ATP2A2: variants seen among roughly 807,000 people sequenced by gnomAD.
ATP2A2 encodes ATPase sarcoplasmic/endoplasmic reticulum Ca2+ transporting 2, also known as sarcoplasmic/endoplasmic reticulum calcium ATPase 2.
Under a neutral mutation model 109.3 loss-of-function variants are expected in ATP2A2, and 14 were observed. The ratio of observed to expected loss-of-function variants is 0.13; its 90% CI spans 0.08 to 0.20. The LOEUF is 0.20. Ranked by LOEUF, ATP2A2 falls within the 10% of genes least tolerant of loss-of-function variation. The pLI, the probability that ATP2A2 is intolerant of heterozygous loss-of-function variation, is 1.00. For synonymous variants in ATP2A2, 506 were observed against 490.9 expected, an observed-to-expected ratio of 1.03 and a Z score of -0.41; for missense variants, 657 against 1,321.6, an observed-to-expected ratio of 0.50 and a Z score of 7.80.
At chr12:110,299,885 T>C (rs965405779) in intron 5 of ATP2A2, among the ~76,000 whole-genome samples, 6 of 152,154 alleles carry the variant, frequency 3.9e-5, no homozygotes, top group Admixed American at 2.6e-4. Context: ...GCCTCCCAAG[T>C]AGCTGGGATT....
At chr12:110,312,994 A>C (rs1475698420) in intron 5 of ATP2A2, among the ~76,000 whole-genome samples, 3 of 152,212 alleles carry the variant, frequency 2.0e-5, no homozygotes, top group Non-Finnish European at 1.5e-5. Context: ...AAAATAGTCT[A>C]AAACAAAAAT....
rs1177414407 is a variant in ATP2A2 at position 110,342,846 on chromosome 12, C to T, written c.2319-386C>T. Among the ~76,000 whole-genome samples the T allele has an allele frequency of 1.3e-5, 2 of 152,194 alleles. No homozygotes were observed. The highest frequency in any genetic ancestry group is 4.8e-5 in the African/African-American group (2 of 41,442). The stretch of plus-strand genomic sequence containing the variant: ...TCTCAGCTCACTGTCCCCTCCACCT[C>T]CTGGGTTCAAGCCTCCCGAACAGCT... On this transcript the variant is annotated intron_variant, in intron 15 of 19. Transcript: ENST00000539276. The surrounding 1 kb of genome is among the most constrained non-coding windows in gnomAD (Gnocchi z 4.6).
At chr12:110,338,116 G>A (rs1879013206) in intron 11 of ATP2A2, among the ~76,000 whole-genome samples, 1 of 152,142 alleles carries the variant, frequency 6.6e-6, no homozygotes, top group African/African-American at 2.4e-5. Flanking sequence ...TTGTAGCTGG[G>A]TCTTTCACAA....
rs1879461705 is a variant in ATP2A2, at chr12:110,342,595, T to A, written c.2318+147T>A. Reference sequence around the variant, plus strand: ...GGGGAGTGGGCAAGACAGAAATGCCTTATGGAAGCAGTGGTGCTTTGGCCC... The same window carrying A: ...GGGGAGTGGGCAAGACAGAAATGCCATATGGAAGCAGTGGTGCTTTGGCCC... On this transcript the variant is annotated intron_variant, in intron 15 of 19. Transcript: ENST00000539276. This position sits in a 1 kb window ranked among gnomAD's most constrained non-coding sequence, Gnocchi z 4.6. 3.1e-6 allele frequency: 3 copies of A among 976,412 alleles called. No homozygotes were observed. The highest frequency in any genetic ancestry group is 5.2e-5 in the East Asian group (2 of 38,216). 60.5% of individuals were successfully genotyped at this position (976,412 alleles called of 1,614,324 possible). A position where few individuals can be genotyped will look rare whatever the true frequency, so the allele number is the denominator to read the frequency against.
At chr12:110,292,147 C>T (rs1566202447) in intron 4 of ATP2A2, 23 bp downstream of exon 4, 1 of 1,533,554 alleles carries the variant, frequency 6.5e-7, no homozygotes, top group Admixed American at 1.7e-5. Flanking sequence ...TCCTGTACTG[C>T]AAAATTTCAA....
Position 110,305,871 on chromosome 12 carries a change from GTTTT to G in ATP2A2, c.463+9141_463+9144del, listed in dbSNP as rs796817073. Among the ~76,000 whole-genome samples, 7 of 139,186 alleles carry G rather than the reference GTTTT, an allele frequency of 5.0e-5. No individual in the cohort carries two copies. The South Asian group carries it at 1.6e-3, about 32-fold the overall frequency. The allele number at this position is 139,186 out of a possible 152,430, so 91.3% of individuals were successfully genotyped here. A position where few individuals can be genotyped will look rare whatever the true frequency, so the allele number is the denominator to read the frequency against. On this transcript the variant is annotated intron_variant, in intron 5 of 19. Coordinates refer to ENST00000539276, the MANE Select transcript of ATP2A2 (RefSeq NM_170665.4). ...TGGATCCATGAGCATAGGGATGTCT[GTTTT>G]TTTTTTGTTTTTTTTTTTTAAGGTC... is the stretch of plus-strand genomic sequence containing the variant.
intron 5 of ATP2A2, among the ~76,000 whole-genome samples, chr12:110,311,595 CAAAAAAAAAAAAAAAA>C (rs67023919): frequency 4.0e-5 from 1 of 25,222 alleles, no homozygotes; most frequent in African/African-American, 1.6e-4. Flanking sequence ...GACTCCATCT[CAAAAAAAAAAAAAAAA>C]AAAAAAAAAA....
Position 110,348,892 on chromosome 12 carries a change from C to G in ATP2A2, c.*2422C>G. Reference sequence around the variant, plus strand: ...ATGCAAGGAGTGCATCTCTGGGCTGCAAACTGACTTGAGTGCTGCACTATT... The same window carrying G: ...ATGCAAGGAGTGCATCTCTGGGCTGGAAACTGACTTGAGTGCTGCACTATT... On this transcript the variant is annotated 3_prime_UTR_variant, in exon 20 of 20. Coordinates refer to ENST00000539276, the MANE Select transcript of ATP2A2 (RefSeq NM_170665.4). 1 of 985,438 alleles carries G rather than the reference C, an allele frequency of 1.0e-6. No homozygotes were observed. Among genetic ancestry groups the G allele is most frequent in the South Asian group, 4.7e-5 (1 of 21,286 alleles). 61.0% of individuals were successfully genotyped at this position (985,438 alleles called of 1,614,324 possible).
chr12:110,300,721 G>T (rs1355759614), intron 5 of ATP2A2, among the ~76,000 whole-genome samples: 1 of 150,038 alleles, frequency 6.7e-6, no homozygotes, highest in East Asian at 2.0e-4. Flanking sequence ...CTGGGCTCAA[G>T]CGATCCTCCT....
chr12:110,347,756 T>G lies in ATP2A2; in HGVS notation c.*1286T>G. On this transcript the variant is annotated 3_prime_UTR_variant, in exon 20 of 20. Transcript: ENST00000539276. ...GTCATTAACAGTCCTAACTGTGGTG[T>G]TTTCCTCCAATGCCTTCCAACATCC... 9.3e-7 allele frequency: 1 copy of G among 1,072,072 alleles called. No individual in the cohort carries two copies. Among genetic ancestry groups the G allele is most frequent in the Non-Finnish European group, 1.1e-6 (1 of 880,270 alleles). The allele number at this position is 1,072,072 out of a possible 1,614,324, so 66.4% of individuals were successfully genotyped here. A position where few individuals can be genotyped will look rare whatever the true frequency, so the allele number is the denominator to read the frequency against.
rs756255896 is a variant in ATP2A2, at chr12:110,290,225, G to A, written c.220-1795G>A. Among the ~76,000 whole-genome samples the A allele has an allele frequency of 3.3e-5, 5 of 152,314 alleles. No individual in the cohort carries two copies. In the East Asian group the frequency reaches 5.8e-4, roughly 18 times the overall value. ...TTTTTTGTTTCTTTTATAGAGATGA[G>A]GGTCTCGCTATGTTGCCCAGGCTGG... is the stretch of plus-strand genomic sequence containing the variant. On this transcript the variant is annotated intron_variant, in intron 3 of 19. Transcript: ENST00000539276.
In ATP2A2 at chr12:110,343,087, T is replaced by TTC. The variant is rs1185083459; in HGVS notation, c.2319-144_2319-143dup. On this transcript the variant is annotated intron_variant, in intron 15 of 19. Coordinates refer to ENST00000539276, the MANE Select transcript of ATP2A2 (RefSeq NM_170665.4). Reference sequence around the variant, plus strand: ...TAAACTAAGTAAAATTGAGCTTTAATTCAAAATTGGGTATAAGTATTTTAC... The same window carrying TTC: ...TAAACTAAGTAAAATTGAGCTTTAATTCTCAAAATTGGGTATAAGTATTTTAC... 9.0e-6 allele frequency: 8 copies of TTC among 885,168 alleles called. No homozygotes were observed. The African/African-American group carries it at 1.2e-4, about 13-fold the overall frequency. The allele number at this position is 885,168 out of a possible 1,614,324, so 54.8% of individuals were successfully genotyped here. A position where few individuals can be genotyped will look rare whatever the true frequency, so the allele number is the denominator to read the frequency against.
rs186756026 is a variant in ATP2A2 at position 110,347,068 on chromosome 12, T to G, written c.*598T>G. ...CACCTTACCCCCGCCCCGCTTGGCT[T>G]CTTCTTTAGGATTGTGATGGTTCGT... is the stretch of plus-strand genomic sequence containing the variant. On this transcript the variant is annotated 3_prime_UTR_variant, in exon 20 of 20. Coordinates refer to ENST00000539276, the MANE Select transcript of ATP2A2 (RefSeq NM_170665.4). 5.7e-4 allele frequency: 594 copies of G among 1,039,428 alleles called. 6 individuals are homozygous for G. In the East Asian group the frequency reaches 7.7e-3, roughly 13 times the overall value. 64.4% of individuals were successfully genotyped at this position (1,039,428 alleles called of 1,614,324 possible).
At chr12:110,281,942 G>T in intron 1 of ATP2A2, 35 bp downstream of exon 1, 2 of 1,517,372 alleles carry the variant, frequency 1.3e-6, no homozygotes, top group Non-Finnish European at 8.9e-7. Flanking sequence ...GGGGCCCGGC[G>T]CGGCCGGGAG....
At chr12:110,286,193 G>T (rs1415643430) in intron 3 of ATP2A2, among the ~76,000 whole-genome samples, 4 of 152,292 alleles carry the variant, frequency 2.6e-5, no homozygotes, top group African/African-American at 9.6e-5. Flanking sequence ...AAAGTGCTGG[G>T]ATTACAGGCA....
At chr12:110,320,448 G>A (rs1046687006) in intron 5 of ATP2A2, among the ~76,000 whole-genome samples, 2 of 152,098 alleles carry the variant, frequency 1.3e-5, no homozygotes, top group Admixed American at 1.3e-4. Context: ...TTTCCATTTA[G>A]GGTCATAATA....
Position 110,281,627 on chromosome 12 carries a change from G to A in ATP2A2, c.-163G>A. On this transcript the variant is annotated 5_prime_UTR_variant, in exon 1 of 20. Transcript: ENST00000539276. ...GCGGTTGTCTGGGGGAGGGGGCGCG[G>A]GGTGATTCAGCGCCCGGCGAGGCGG... is the stretch of plus-strand genomic sequence containing the variant. 2.4e-6 allele frequency: 1 copy of A among 419,624 alleles called. No individual in the cohort carries two copies. Among genetic ancestry groups the A allele is most frequent in the South Asian group, 4.3e-5 (1 of 23,442 alleles). The allele number at this position is 419,624 out of a possible 1,614,324, so 26.0% of individuals were successfully genotyped here. A position where few individuals can be genotyped will look rare whatever the true frequency, so the allele number is the denominator to read the frequency against.
chr12:110,287,319 A>C (rs995662658), intron 3 of ATP2A2, among the ~76,000 whole-genome samples: 2 of 152,174 alleles, frequency 1.3e-5, no homozygotes, highest in Non-Finnish European at 1.5e-5. Context: ...AGTGTTGTAC[A>C]GTATTTCAGT....
intron 4 of ATP2A2, among the ~76,000 whole-genome samples, chr12:110,293,858 G>GTGTATA (rs1384751132): frequency 8.1e-6 from 1 of 123,448 alleles, no homozygotes; most frequent in African/African-American, 3.4e-5. Context: ...GTGTGTGTGT[G>GTGTATA]TGTGTGTATA....
Sources: gnomAD v4.1 joint callset for allele counts (sites outside exome capture counted in the v4.1 genomes callset) on GRCh38, gnomAD v4.1.1 for gene constraint, Gnocchi (gnomAD v3.1) non-coding constraint, MANE v1.5 for transcripts, NCBI Gene and HGNC (gene_info 2026-07-23, HGNC 2026-07-21) for gene names.